Variants in NELL2 observed in about 807,000 individuals in gnomAD.
NELL2 encodes protein kinase C-binding protein NELL2.
A neutral mutation model predicts 109.6 loss-of-function variants in NELL2; 41 were observed. That is an observed-to-expected ratio of 0.37 (90% CI 0.29 to 0.49). The LOEUF (loss-of-function observed/expected upper bound fraction) is 0.49, where lower values mean the gene tolerates loss of function less well. Ranked by LOEUF, NELL2 falls within the 20% of genes least tolerant of loss-of-function variation. The pLI is 0.98. For synonymous variants in NELL2, 355 were observed against 344.7 expected, an observed-to-expected ratio of 1.03 and a Z score of -0.33; for missense variants, 900 against 1,008.3, an observed-to-expected ratio of 0.89 and a Z score of 1.45.
chr12:44,555,153 G>GT (rs1943199029), intron 15 of NELL2, among the ~76,000 whole-genome samples: 1 of 152,156 alleles, frequency 6.6e-6, no homozygotes, highest in African/African-American at 2.4e-5. Flanking sequence ...TTCAGGTGGA[G>GT]GGGTCTGTGA....
chr12:44,696,923 GAATAAATAACACATCTGAATT>G (rs1313875879), intron 12 of NELL2, among the ~76,000 whole-genome samples: 1 of 152,146 alleles, frequency 6.6e-6, no homozygotes, highest in African/African-American at 2.4e-5. Flanking sequence ...AATTCTGAAT[GAATAAATAACACATCTGAATT>G]AATAAATAAC....
intron 12 of NELL2, among the ~76,000 whole-genome samples, chr12:44,666,327 T>C (rs2136341101): frequency 6.6e-6 from 1 of 152,330 alleles, no homozygotes; most frequent in Non-Finnish European, 1.5e-5. Flanking sequence ...CATTCACATT[T>C]CACAATGAAA....
intron 15 of NELL2, among the ~76,000 whole-genome samples, chr12:44,588,663 GCTTT>G (rs1944634641): frequency 6.6e-6 from 1 of 152,126 alleles, no homozygotes; most frequent in Non-Finnish European, 1.5e-5. Flanking sequence ...TCATTTATAT[GCTTT>G]CTTTCTTTTT....
At position 44,713,608 on chromosome 12, in the gene NELL2, G is replaced by C. The variant is rs145962149; in HGVS notation, c.1086+1042C>G. Among the ~76,000 whole-genome samples the C allele has an allele frequency of 3.5e-3, 527 of 152,036 alleles. 1 individual carries two copies. Among genetic ancestry groups the C allele is most frequent in the African/African-American group, 0.012 (493 of 41,544 alleles). On this transcript the variant is annotated intron_variant, in intron 10 of 19. Transcript: ENST00000429094. ...TTGGAAAGCTGATTTAAAACTAAAAGAAGAAGAGAGGATACTTTATAATGG... is the reference window on the plus strand; with the variant it reads ...TTGGAAAGCTGATTTAAAACTAAAACAAGAAGAGAGGATACTTTATAATGG...
intron 13 of NELL2, among the ~76,000 whole-genome samples, chr12:44,661,407 C>T (rs1224207660): frequency 6.6e-6 from 1 of 152,172 alleles, no homozygotes; most frequent in Non-Finnish European, 1.5e-5. Flanking sequence ...TTGCCTCAGT[C>T]TCTTTTTCTG....
intron 9 of NELL2, among the ~76,000 whole-genome samples, chr12:44,715,368 AAT>A (rs902052026): frequency 8.6e-5 from 13 of 151,070 alleles, no homozygotes; most frequent in African/African-American, 2.9e-4. Context: ...CCATGGGAAA[AAT>A]ATGTTTTTAA....
intron 12 of NELL2, among the ~76,000 whole-genome samples, chr12:44,668,987 C>T (rs1948044416): frequency 6.6e-6 from 1 of 152,086 alleles, no homozygotes; most frequent in African/African-American, 2.4e-5. Context: ...CCACTGAGGG[C>T]CCAAGGACTA....
chr12:44,691,279 C>T (rs1948892500), intron 12 of NELL2, among the ~76,000 whole-genome samples: 1 of 152,068 alleles, frequency 6.6e-6, no homozygotes, highest in African/African-American at 2.4e-5. Context: ...CATAATATTT[C>T]AAAAATTTTC....
chr12:44,778,603 C>G (rs563693013), intron 5 of NELL2, among the ~76,000 whole-genome samples: 2 of 152,262 alleles, frequency 1.3e-5, no homozygotes, highest in African/African-American at 4.8e-5. Flanking sequence ...ATTTGGGACT[C>G]ACAGCACACA....
chr12:44,692,340 C>T (rs1948926503), intron 12 of NELL2, among the ~76,000 whole-genome samples: 1 of 152,084 alleles, frequency 6.6e-6, no homozygotes, highest in Non-Finnish European at 1.5e-5. Context: ...GTCCACTGTT[C>T]AGAATAAAGA....
chr12:44,876,855 G>C (rs185050147), upstream of NELL2: 146 of 1,308,788 alleles, frequency 1.1e-4, no homozygotes, highest in Non-Finnish European at 1.2e-4. Flanking sequence ...GTAGAGACTG[G>C]TGGGGACGGA....
At chr12:44,677,865 G>A (rs1948369601) in intron 12 of NELL2, among the ~76,000 whole-genome samples, 1 of 151,694 alleles carries the variant, frequency 6.6e-6, no homozygotes, top group Non-Finnish European at 1.5e-5. Flanking sequence ...TTGAGCTACA[G>A]AGAAGCATAG....
intron 13 of NELL2, among the ~76,000 whole-genome samples, chr12:44,625,624 G>C (rs191435888): frequency 1.2e-3 from 177 of 152,034 alleles, no homozygotes; most frequent in African/African-American, 3.7e-3. Context: ...GATACATCAA[G>C]AGGAGAAAAA....
intron 15 of NELL2, among the ~76,000 whole-genome samples, chr12:44,594,562 G>C (rs1193400740): frequency 6.6e-6 from 1 of 152,068 alleles, no homozygotes; most frequent in Non-Finnish European, 1.5e-5. Flanking sequence ...ATTTCCAAGA[G>C]AGTCATTCCA....
At chr12:44,579,857 A>G (rs1480121272) in intron 15 of NELL2, among the ~76,000 whole-genome samples, 1 of 152,168 alleles carries the variant, frequency 6.6e-6, no homozygotes, top group Non-Finnish European at 1.5e-5. Flanking sequence ...CTCATCTCTA[A>G]GATGTGGAAT....
intron 13 of NELL2, among the ~76,000 whole-genome samples, chr12:44,660,759 A>G (rs755583513): frequency 3.3e-5 from 5 of 152,094 alleles, no homozygotes; most frequent in Non-Finnish European, 7.4e-5. Context: ...TTTTTGTTGT[A>G]GTAGAGAGCA....
chr12:44,705,469 G>A (rs1312457883), intron 11 of NELL2, among the ~76,000 whole-genome samples: 1 of 152,114 alleles, frequency 6.6e-6, no homozygotes, highest in Non-Finnish European at 1.5e-5. Flanking sequence ...TCATGATTAA[G>A]GCTGTACATT....
intron 15 of NELL2, among the ~76,000 whole-genome samples, chr12:44,539,010 G>C (rs1942421916): frequency 6.6e-6 from 1 of 151,782 alleles, no homozygotes; most frequent in Admixed American, 6.6e-5. Flanking sequence ...TCATCTATCT[G>C]TCCCATACTA....
At position 44,649,531 on chromosome 12, in the gene NELL2, T is replaced by C. The variant is rs147552369; in HGVS notation, c.1444+15953A>G. On this transcript the variant is annotated intron_variant, in intron 13 of 19. Coordinates refer to ENST00000429094, the MANE Select transcript of NELL2 (RefSeq NM_001145108.2). Reference sequence around the variant, plus strand: ...ACTTTTGGTGCTGTGTGTCCCCACATCCTGCAGTGGTCCCCAGTGGCAGGG... The same window carrying C: ...ACTTTTGGTGCTGTGTGTCCCCACACCCTGCAGTGGTCCCCAGTGGCAGGG... Among the ~76,000 whole-genome samples the C allele has an allele frequency of 2.5e-3, 380 of 152,298 alleles. 1 individual carries two copies. Among genetic ancestry groups the C allele is most frequent in the African/African-American group, 8.8e-3 (365 of 41,544 alleles).
Sources: gnomAD v4.1 joint callset for allele counts (sites outside exome capture counted in the v4.1 genomes callset) on GRCh38, gnomAD v4.1.1 for gene constraint, MANE v1.5 for transcripts, NCBI Gene and HGNC (gene_info 2026-07-23, HGNC 2026-07-21) for gene names.